TMPRSS11F: variants seen among roughly 807,000 people sequenced by gnomAD.
The protein encoded by TMPRSS11F is transmembrane protease serine 11F.
In TMPRSS11F, 47 loss-of-function variants were observed where a neutral mutation model predicts 60.2. The observed-to-expected ratio is 0.78, with a 90% CI of 0.62 to 1.00. The LOEUF is 1.00. Among genes scored for constraint, TMPRSS11F ranks in the 50% least tolerant of loss-of-function variants. TMPRSS11F has a pLI of 0.00. For synonymous variants in TMPRSS11F, 166 were observed against 167.3 expected (o/e 0.99, Z 0.06); for missense variants, 519 against 522.9 (o/e 0.99, Z 0.07).
intron 1 of TMPRSS11F, among the ~76,000 whole-genome samples, chr4:68,120,021 G>T (rs1577937565): frequency 6.6e-6 from 1 of 152,110 alleles, no homozygotes; most frequent in Non-Finnish European, 1.5e-5. Flanking sequence ...ATTTTGAGGG[G>T]TTCAAAACTT....
intron 1 of TMPRSS11F, among the ~76,000 whole-genome samples, chr4:68,118,924 T>C (rs1560412400): frequency 6.6e-6 from 1 of 152,006 alleles, no homozygotes; most frequent in Non-Finnish European, 1.5e-5. Context: ...AAGCTAGAAA[T>C]AATTAAGCTT....
chr4:68,103,628 T>C (rs969784583), intron 1 of TMPRSS11F, among the ~76,000 whole-genome samples: 1 of 152,146 alleles, frequency 6.6e-6, no homozygotes, highest in Non-Finnish European at 1.5e-5. Flanking sequence ...CAGAATTATT[T>C]TGGCTACTCA....
intron 2 of TMPRSS11F, among the ~76,000 whole-genome samples, chr4:68,098,414 G>A (rs1439775876): frequency 6.6e-6 from 1 of 152,024 alleles, no homozygotes; most frequent in Non-Finnish European, 1.5e-5. Flanking sequence ...TATATAATTA[G>A]GAAGTAATAC....
chr4:68,059,417 T>A lies in TMPRSS11F; in HGVS notation c.1067A>T (p.Asp356Val), dbSNP rs1448892844. The A allele has an allele frequency of 6.2e-7, 1 of 1,614,032 alleles. No individual in the cohort carries two copies. Residue 356 changes from aspartate (D) to valine (V), a missense_variant, in exon 9 of 10, where the codon GAT becomes GTT. Asp to Val is a radical substitution (Grantham distance 152). Coordinates refer to ENST00000356291, the MANE Select transcript of TMPRSS11F (RefSeq NM_207407.2). ...RQARVETISTDVCNRKDVYDG... is the reference protein window; with the variant it reads ...RQARVETISTVVCNRKDVYDG... Reference sequence around the variant, plus strand: ...ATACACATCCTTTCTGTTACACACATCAGTGCTTATGGTTTCCACTCTGGC... The same window carrying A: ...ATACACATCCTTTCTGTTACACACAACAGTGCTTATGGTTTCCACTCTGGC...
At chr4:68,092,387 A>G (rs988869037) in intron 2 of TMPRSS11F, among the ~76,000 whole-genome samples, 10 of 152,160 alleles carry the variant, frequency 6.6e-5, no homozygotes, top group African/African-American at 1.9e-4. Context: ...ACAATTTTGT[A>G]TCTTTTTGTT....
intron 1 of TMPRSS11F, among the ~76,000 whole-genome samples, chr4:68,118,052 G>A (rs1338170690): frequency 6.6e-6 from 1 of 152,124 alleles, no homozygotes; most frequent in Non-Finnish European, 1.5e-5. Context: ...AGCTGTAAGA[G>A]AAACTAACCT....
chr4:68,108,991 G>A (rs1724356347), intron 1 of TMPRSS11F, among the ~76,000 whole-genome samples: 1 of 152,098 alleles, frequency 6.6e-6, no homozygotes, highest in Non-Finnish European at 1.5e-5. Flanking sequence ...CCATAATGTT[G>A]TCTAGCCTAT....
chr4:68,120,631 G>A (rs1402673819), intron 1 of TMPRSS11F, among the ~76,000 whole-genome samples: 2 of 151,976 alleles, frequency 1.3e-5, no homozygotes, highest in South Asian at 4.2e-4. Context: ...CTCGTGATCC[G>A]CCCGCCTCGG....
At chr4:68,059,494 A>C (rs1434460355) in intron 8 of TMPRSS11F, 26 bp from the exon 9 acceptor site, 1 of 1,603,574 alleles carries the variant, frequency 6.2e-7, no homozygotes, top group African/African-American at 1.3e-5. Context: ...ATAAAAAAAC[A>C]AATAAACAGT....
intron 5 of TMPRSS11F, among the ~76,000 whole-genome samples, chr4:68,070,873 A>G (rs768129901): frequency 1.3e-5 from 2 of 152,222 alleles, no homozygotes; most frequent in Non-Finnish European, 2.9e-5. Context: ...GGATATGTCT[A>G]TTTAACAAAA....
intron 1 of TMPRSS11F, among the ~76,000 whole-genome samples, chr4:68,121,507 A>G (rs895197892): frequency 2.0e-5 from 3 of 152,208 alleles, no homozygotes; most frequent in Admixed American, 6.5e-5. Flanking sequence ...AATTTATAAT[A>G]AACACCAGTT....
At chr4:68,098,851 G>A in intron 2 of TMPRSS11F, 36 bp downstream of exon 2, 1 of 1,571,768 alleles carries the variant, frequency 6.4e-7, no homozygotes, top group Non-Finnish European at 8.6e-7. Context: ...AAGTCATGGA[G>A]TACTTAGGCA....
intron 1 of TMPRSS11F, among the ~76,000 whole-genome samples, chr4:68,123,077 C>A (rs944102350): frequency 1.3e-5 from 2 of 152,124 alleles, no homozygotes; most frequent in Non-Finnish European, 2.9e-5. Flanking sequence ...AAGAAGAGAG[C>A]AGCTAATAAT....
At chr4:68,121,981 C>T (rs1315310474) in intron 1 of TMPRSS11F, among the ~76,000 whole-genome samples, 1 of 152,142 alleles carries the variant, frequency 6.6e-6, no homozygotes, top group East Asian at 1.9e-4. Flanking sequence ...ACTCAAAAAA[C>T]AACCCAAATG....
At chr4:68,119,831 G>A (rs1399966584) in intron 1 of TMPRSS11F, among the ~76,000 whole-genome samples, 1 of 152,142 alleles carries the variant, frequency 6.6e-6, no homozygotes, top group Admixed American at 6.5e-5. Context: ...TGACTTTCAA[G>A]TACTGTTATT....
chr4:68,091,773 C>CTA (rs754419462), intron 2 of TMPRSS11F, among the ~76,000 whole-genome samples: 3,474 of 142,664 alleles, frequency 0.024, 142 homozygotes, highest in African/African-American at 0.084. Context: ...CTCTCTCTCT[C>CTA]TCTCTCTCTC....
At chr4:68,062,756 T>C (rs1257969647) in intron 8 of TMPRSS11F, 3 of 742,276 alleles carry the variant, frequency 4.0e-6, no homozygotes, top group Non-Finnish European at 7.6e-6. Context: ...AAAAGTTTCC[T>C]TGTATACTGG....
At chr4:68,064,430 G>A (rs550477437) in intron 8 of TMPRSS11F, among the ~76,000 whole-genome samples, 44 of 152,098 alleles carry the variant, frequency 2.9e-4, no homozygotes, top group African/African-American at 8.7e-4. Flanking sequence ...CAGGTGATCC[G>A]CCAGCCTTGG....
intron 3 of TMPRSS11F, among the ~76,000 whole-genome samples, chr4:68,088,169 A>G (rs1217042280): frequency 1.3e-5 from 2 of 152,046 alleles, no homozygotes; most frequent in Non-Finnish European, 2.9e-5. Context: ...AGAGACACAC[A>G]TAGGCACAAA....
Sources: allele counts gnomAD v4.1 joint callset (sites outside exome capture counted in the v4.1 genomes callset), GRCh38; gene constraint gnomAD v4.1.1; transcripts MANE v1.5; gene names NCBI Gene and HGNC (gene_info 2026-07-23, HGNC 2026-07-21).